The following GARNL3 variants were observed in gnomAD, a reference collection of about 807,000 sequenced individuals.
The protein encoded by GARNL3 is GTPase-activating Rap/Ran-GAP domain-like protein 3.
A neutral mutation model predicts 125.0 loss-of-function variants in GARNL3; 63 were observed. The observed-to-expected ratio is 0.50, with a 90% CI of 0.41 to 0.62. The LOEUF is 0.62. Among genes scored for constraint, GARNL3 ranks in the 20% least tolerant of loss-of-function variants. The probability of loss-of-function intolerance (pLI) is 0.00; values close to 1 mark genes in which losing one functional copy is unlikely to be tolerated. For synonymous variants in GARNL3, 439 were observed against 457.5 expected, an observed-to-expected ratio of 0.96 and a Z score of 0.52; for missense variants, 994 against 1,244.0, an observed-to-expected ratio of 0.80 and a Z score of 3.02.
chr9:127,282,346 T>G (rs901636700), intron 1 of GARNL3, among the ~76,000 whole-genome samples: 1 of 152,240 alleles, frequency 6.6e-6, no homozygotes, highest in African/African-American at 2.4e-5. Context: ...ATATATATTA[T>G]AGCATTATAA....
chr9:127,375,593 T>C (rs967511300), intron 22 of GARNL3, among the ~76,000 whole-genome samples: 1 of 152,224 alleles, frequency 6.6e-6, no homozygotes, highest in Admixed American at 6.5e-5. Context: ...CAAATGTCCA[T>C]TGTGGAGGTT....
In GARNL3 at chr9:127,320,766, T is replaced by C; in HGVS notation, c.555T>C (p.Pro185=). 1 of 1,607,330 alleles carries C rather than the reference T, an allele frequency of 6.2e-7. No individual in the cohort carries two copies. The highest frequency in any genetic ancestry group is 8.5e-7 in the Non-Finnish European group (1 of 1,174,092). ...FEKGPREIFH[P]EIQKDLLVLE... is the part of the protein sequence containing the mutation. Reference sequence around the variant, plus strand: ...AAGGCCCCAGGGAAATTTTTCATCCTGAAATACAAAAGGTAACAGAAAATT... The same window carrying C: ...AAGGCCCCAGGGAAATTTTTCATCCCGAAATACAAAAGGTAACAGAAAATT... The change falls in exon 6 of 28, where the codon CCT becomes CCC. Residue 185 remains proline (P), a synonymous_variant. Coordinates refer to ENST00000373387, the MANE Select transcript of GARNL3 (RefSeq NM_032293.5).
chr9:127,293,904 G>C (rs1463192735), intron 2 of GARNL3, among the ~76,000 whole-genome samples: 1 of 152,168 alleles, frequency 6.6e-6, no homozygotes, highest in East Asian at 1.9e-4. Context: ...AAGTGCTGCA[G>C]ATTACAACTA....
chr9:127,291,539 G>C (rs1367631802), intron 2 of GARNL3, among the ~76,000 whole-genome samples: 1 of 152,126 alleles, frequency 6.6e-6, no homozygotes, highest in Non-Finnish European at 1.5e-5. Flanking sequence ...TACTTCCTCT[G>C]CCAGGCTGAT....
intron 2 of GARNL3, chr9:127,300,923 C>A: frequency 4.5e-6 from 1 of 222,128 alleles, no homozygotes. Context: ...CTAACTCGGC[C>A]CTGTTCCTTA....
At chr9:127,388,102 C>T (rs1832643984) in intron 25 of GARNL3, among the ~76,000 whole-genome samples, 1 of 152,120 alleles carries the variant, frequency 6.6e-6, no homozygotes, top group African/African-American at 2.4e-5. Flanking sequence ...GCCGGGATTG[C>T]ACCTCTGCAC....
At position 127,384,925 on chromosome 9, in the gene GARNL3, G is replaced by C. The variant is rs1211778608; in HGVS notation, c.2270-102G>C. ...GAGAGAAGCAGCCAGAGGAATGAGAGATGGAAGTTTCTAGAGAAGTGAGTG... is the reference window on the plus strand; with the variant it reads ...GAGAGAAGCAGCCAGAGGAATGAGACATGGAAGTTTCTAGAGAAGTGAGTG... On this transcript the variant is annotated intron_variant, in intron 23 of 27. Coordinates refer to ENST00000373387, the MANE Select transcript of GARNL3 (RefSeq NM_032293.5). This position sits in a 1 kb window ranked among gnomAD's most constrained non-coding sequence, Gnocchi z 4.0. 1 of 614,306 alleles carries C rather than the reference G, an allele frequency of 1.6e-6. No homozygotes were observed. Among genetic ancestry groups the C allele is most frequent in the African/African-American group, 1.9e-5 (1 of 53,648 alleles). The allele number at this position is 614,306 out of a possible 1,614,324, so 38.1% of individuals were successfully genotyped here. A position where few individuals can be genotyped will look rare whatever the true frequency, so the allele number is the denominator to read the frequency against.
chr9:127,318,217 A>G (rs1441519887), intron 5 of GARNL3, 90 bp downstream of exon 5: 7 of 840,788 alleles, frequency 8.3e-6, no homozygotes, highest in Non-Finnish European at 1.5e-5. Flanking sequence ...TTACCTTTCC[A>G]TTGTCTTGAG....
intron 2 of GARNL3, among the ~76,000 whole-genome samples, chr9:127,256,866 C>A (rs769279963): frequency 1.3e-5 from 2 of 152,162 alleles, no homozygotes; most frequent in Non-Finnish European, 2.9e-5. Context: ...GTTTTACATG[C>A]AGTTTTATTA....
At chr9:127,305,989 G>A (rs146520399) in intron 2 of GARNL3, among the ~76,000 whole-genome samples, 14 of 152,160 alleles carry the variant, frequency 9.2e-5, no homozygotes, top group African/African-American at 2.7e-4. Flanking sequence ...CTCTCCCTCT[G>A]CGATGCTGAG....
chr9:127,325,263 T>G (rs1161925276), intron 7 of GARNL3, among the ~76,000 whole-genome samples, 168 bp downstream of exon 7: 2 of 152,364 alleles, frequency 1.3e-5, no homozygotes, highest in Admixed American at 1.3e-4. Context: ...TTTTAAGGTA[T>G]ATTTTAGAAT....
At chr9:127,264,365 A>T (rs1304585211), upstream of GARNL3, 2 of 304,638 alleles carry the variant, frequency 6.6e-6, no homozygotes, top group East Asian at 2.9e-4. Context: ...AGCTGAATAT[A>T]CTTGGACATT....
intron 1 of GARNL3, among the ~76,000 whole-genome samples, chr9:127,283,173 A>C (rs1219172663): frequency 6.6e-6 from 1 of 152,220 alleles, no homozygotes; most frequent in Admixed American, 6.5e-5. Flanking sequence ...GATTTGGGTC[A>C]CCCAGAGCTG....
intron 22 of GARNL3, among the ~76,000 whole-genome samples, chr9:127,377,115 T>C (rs1045789324): frequency 2.0e-5 from 3 of 152,238 alleles, no homozygotes; most frequent in African/African-American, 7.2e-5. Context: ...TTAAAAGATT[T>C]GTCATGAAGG....
intron 17 of GARNL3, among the ~76,000 whole-genome samples, chr9:127,350,259 A>T (rs1368921715): frequency 6.6e-6 from 1 of 152,214 alleles, no homozygotes; most frequent in African/African-American, 2.4e-5. Flanking sequence ...ATGAGCCTCG[A>T]GTTTCTCTAA....
At chr9:127,323,800 T>C (rs1443313381) in intron 6 of GARNL3, among the ~76,000 whole-genome samples, 4 of 151,544 alleles carry the variant, frequency 2.6e-5, no homozygotes, top group Non-Finnish European at 4.4e-5. Flanking sequence ...CCCATAAAAA[T>C]TAAAAATAAA....
intron 13 of GARNL3, among the ~76,000 whole-genome samples, chr9:127,340,049 C>A (rs1829779770): frequency 6.6e-6 from 1 of 152,048 alleles, no homozygotes; most frequent in African/African-American, 2.4e-5. Flanking sequence ...ATTGCTGAAT[C>A]TCTGCTTGTA....
intron 1 of GARNL3, 145 bp from the exon 2 acceptor site, chr9:127,291,023 C>A: frequency 1.4e-6 from 1 of 728,206 alleles, no homozygotes; most frequent in Non-Finnish European, 2.3e-6. Flanking sequence ...TGAGTACCTG[C>A]CTGATAGAGC....
chr9:127,295,209 G>A (rs1286699995), intron 2 of GARNL3, among the ~76,000 whole-genome samples: 2 of 152,176 alleles, frequency 1.3e-5, no homozygotes, highest in African/African-American at 4.8e-5. Flanking sequence ...GTACTTACAT[G>A]CCACAGGCAT....
Sources: allele counts gnomAD v4.1 joint callset (sites outside exome capture counted in the v4.1 genomes callset), GRCh38; gene constraint gnomAD v4.1.1; non-coding constraint Gnocchi (gnomAD v3.1); transcripts MANE v1.5; gene names NCBI Gene and HGNC (gene_info 2026-07-23, HGNC 2026-07-21).